Variants in CNTN4 observed in about 807,000 individuals in gnomAD.
The protein encoded by CNTN4 is contactin 4.
CNTN4 carries 77 observed loss-of-function variants against 122.5 expected under a neutral mutation model. The ratio of observed to expected loss-of-function variants is 0.63; its 90% CI spans 0.52 to 0.76. CNTN4 has a LOEUF of 0.76. CNTN4 is among the 30% of genes least tolerant of loss of function. The probability of loss-of-function intolerance (pLI) is 0.00; values close to 1 mark genes in which losing one functional copy is unlikely to be tolerated. For missense variants in CNTN4, 1,256 were observed against 1,259.1 expected (o/e 1.00, Z 0.04); for synonymous variants, 512 against 447.0 (o/e 1.15, Z -1.83).
chr3:2,361,806 G>C (rs2150550301), intron 3 of CNTN4, among the ~76,000 whole-genome samples: 1 of 152,282 alleles, frequency 6.6e-6, no homozygotes, highest in Admixed American at 6.5e-5. Context: ...CTTATTGATA[G>C]GCCCTGCGAA....
At chr3:2,603,883 G>C (rs993500540) in intron 4 of CNTN4, among the ~76,000 whole-genome samples, 1 of 152,046 alleles carries the variant, frequency 6.6e-6, no homozygotes, top group Non-Finnish European at 1.5e-5. Context: ...AATTTCCCTG[G>C]CACAGTACTG....
At chr3:2,712,443 A>T (rs988217871) in intron 4 of CNTN4, among the ~76,000 whole-genome samples, 2 of 152,214 alleles carry the variant, frequency 1.3e-5, no homozygotes, top group East Asian at 3.8e-4. Flanking sequence ...CACCCATTGC[A>T]GGGTTCATGA....
chr3:2,205,783 CA>C (rs2149410143), intron 2 of CNTN4, among the ~76,000 whole-genome samples: 1 of 151,472 alleles, frequency 6.6e-6, no homozygotes, highest in African/African-American at 2.4e-5. Flanking sequence ...ATATGGTTTT[CA>C]AAAAAACAGC....
chr3:2,353,799 T>G (rs1215154480), intron 3 of CNTN4, among the ~76,000 whole-genome samples: 2 of 152,076 alleles, frequency 1.3e-5, no homozygotes, highest in Non-Finnish European at 2.9e-5. Flanking sequence ...CTCGGGAGGC[T>G]GAGGCAGGAG....
intron 2 of CNTN4, among the ~76,000 whole-genome samples, chr3:2,257,351 G>A (rs978331344): frequency 9.2e-5 from 14 of 152,120 alleles, no homozygotes; most frequent in African/African-American, 3.4e-4. Flanking sequence ...AGAAAACCTA[G>A]GCAATACCAT....
chr3:2,683,868 G>A (rs2085293724), intron 4 of CNTN4, among the ~76,000 whole-genome samples: 1 of 152,024 alleles, frequency 6.6e-6, no homozygotes, highest in African/African-American at 2.4e-5. Flanking sequence ...TAAAAACATG[G>A]ATTCCTGGGC....
intron 2 of CNTN4, among the ~76,000 whole-genome samples, chr3:2,192,744 T>G (rs2037641041): frequency 6.6e-6 from 1 of 152,240 alleles, no homozygotes; most frequent in African/African-American, 2.4e-5. Context: ...TCATGTTTAC[T>G]TGCTCTGTGA....
intron 2 of CNTN4, among the ~76,000 whole-genome samples, chr3:2,214,876 A>G (rs1434706468): frequency 6.6e-6 from 1 of 152,230 alleles, no homozygotes; most frequent in Non-Finnish European, 1.5e-5. Context: ...AGGTCACTCA[A>G]AAAGAGAAAG....
intron 6 of CNTN4, among the ~76,000 whole-genome samples, chr3:2,812,318 A>T (rs929575421): frequency 1.3e-5 from 2 of 152,254 alleles, no homozygotes; most frequent in Non-Finnish European, 1.5e-5. Context: ...TTGTATAGAA[A>T]CAATATTTTT....
At chr3:2,135,493 G>C (rs1222117775) in intron 2 of CNTN4, among the ~76,000 whole-genome samples, 2 of 152,176 alleles carry the variant, frequency 1.3e-5, no homozygotes, top group Non-Finnish European at 2.9e-5. Flanking sequence ...GAGCCAGAGA[G>C]AATTTGATGG....
At chr3:2,926,770 T>G (rs1408760725) in intron 13 of CNTN4, among the ~76,000 whole-genome samples, 5 of 94,540 alleles carry the variant, frequency 5.3e-5, no homozygotes, top group African/African-American at 1.9e-4. Flanking sequence ...TTATAAATGG[T>G]GTATTCATAC....
At chr3:2,660,233 CTAAT>C (rs2083814957) in intron 4 of CNTN4, among the ~76,000 whole-genome samples, 1 of 150,646 alleles carries the variant, frequency 6.6e-6, no homozygotes, top group Non-Finnish European at 1.5e-5. Context: ...AAAAAAAACT[CTAAT>C]AGTATACTCA....
At chr3:2,848,575 A>G (rs73110934) in intron 7 of CNTN4, among the ~76,000 whole-genome samples, 5,001 of 152,312 alleles carry the variant, frequency 0.033, 174 homozygotes, top group African/African-American at 0.084. Context: ...ATGAGCTTAA[A>G]TAAACACGGG....
chr3:2,208,814 A>T lies in CNTN4; in HGVS notation c.-145+108175A>T, dbSNP rs570242407. Among the ~76,000 whole-genome samples, 260 of 152,292 alleles carry T rather than the reference A, an allele frequency of 1.7e-3. 3 individuals are homozygous for T. Among genetic ancestry groups the T allele is most frequent in the African/African-American group, 6.2e-3 (256 of 41,570 alleles). ...ACAAGACCCTCTACCAGCAACAAAG[A>T]TTACAACTCACTGAAGGCTCAGATG... is the stretch of plus-strand genomic sequence containing the variant. On this transcript the variant is annotated intron_variant, in intron 2 of 24. Transcript: ENST00000418658.
intron 4 of CNTN4, among the ~76,000 whole-genome samples, chr3:2,647,314 G>A (rs1365876305): frequency 2.0e-5 from 3 of 152,104 alleles, no homozygotes; most frequent in Non-Finnish European, 2.9e-5. Context: ...CTGGGAGGCA[G>A]AGGTTGCAGT....
At chr3:2,495,081 G>A (rs557020914) in intron 3 of CNTN4, among the ~76,000 whole-genome samples, 3 of 152,248 alleles carry the variant, frequency 2.0e-5, no homozygotes, top group Admixed American at 2.0e-4. Context: ...ATCTAGAGAA[G>A]GGCTTCATCT....
intron 3 of CNTN4, among the ~76,000 whole-genome samples, chr3:2,501,131 TG>T (rs2076582949): frequency 3.9e-5 from 6 of 152,192 alleles, no homozygotes; most frequent in Admixed American, 3.9e-4. Context: ...CAGATTTTTT[TG>T]TTAACTGTGG....
intron 6 of CNTN4, among the ~76,000 whole-genome samples, chr3:2,756,544 G>A (rs2090347212): frequency 6.6e-6 from 1 of 152,150 alleles, no homozygotes; most frequent in Non-Finnish European, 1.5e-5. Context: ...GACTAAAACT[G>A]TAACTCTCAA....
intron 19 of CNTN4, chr3:3,039,710 C>A: frequency 2.8e-6 from 1 of 360,594 alleles, no homozygotes; most frequent in Non-Finnish European, 5.3e-6. Flanking sequence ...TTAGAGGATA[C>A]GTGTTGGAAA....
Sources: allele counts gnomAD v4.1 joint callset (sites outside exome capture counted in the v4.1 genomes callset), GRCh38; gene constraint gnomAD v4.1.1; transcripts MANE v1.5; gene names NCBI Gene and HGNC (gene_info 2026-07-23, HGNC 2026-07-21).